The following TNFRSF10B variants were observed in gnomAD, a reference collection of about 807,000 sequenced individuals.
The protein encoded by TNFRSF10B is TNF receptor superfamily member 10b.
A neutral mutation model predicts 41.4 loss-of-function variants in TNFRSF10B; 35 were observed. That is an observed-to-expected ratio of 0.85 (90% CI 0.65 to 1.12). The LOEUF (loss-of-function observed/expected upper bound fraction) is 1.12. TNFRSF10B is among the 50% of genes most tolerant of loss of function. The pLI, the probability that TNFRSF10B is intolerant of heterozygous loss-of-function variation, is 0.00. For synonymous variants in TNFRSF10B, 230 were observed against 215.5 expected, an observed-to-expected ratio of 1.07 and a Z score of -0.59; for missense variants, 584 against 552.7, an observed-to-expected ratio of 1.06 and a Z score of -0.57.
At chr8:23,027,455 G>GC (rs1811737656) in intron 6 of TNFRSF10B, 167 bp from the exon 7 acceptor site, 1 of 887,422 alleles carries the variant, frequency 1.1e-6, no homozygotes, top group Non-Finnish European at 1.8e-6. Context: ...CTGGGGCCAG[G>GC]CCCCCAGTGC....
At chr8:23,043,037 C>A in intron 2 of TNFRSF10B, 101 bp downstream of exon 2, 1 of 1,140,018 alleles carries the variant, frequency 8.8e-7, no homozygotes. Context: ...CCCAATGCCT[C>A]TCTGTGGAAT....
Position 23,052,477 on chromosome 8 carries a change from G to A in TNFRSF10B, c.145-9234C>T, listed in dbSNP as rs531848268. Among the ~76,000 whole-genome samples the A allele has an allele frequency of 5.9e-5, 9 of 151,856 alleles. No individual in the cohort carries two copies. In the South Asian group the frequency reaches 1.0e-3, roughly 18 times the overall value. On this transcript the variant is annotated intron_variant, in intron 1 of 8. Coordinates refer to ENST00000276431, the MANE Select transcript of TNFRSF10B (RefSeq NM_003842.5). ...ATTTTTTGTACTTTTTAGTAGAGAC[G>A]GGGTTTCACCGTGTCAGCCAGGATG...
chr8:23,026,912 G>A (rs755931717), intron 7 of TNFRSF10B, among the ~76,000 whole-genome samples: 2 of 152,100 alleles, frequency 1.3e-5, no homozygotes, highest in African/African-American at 2.4e-5. Context: ...CTCCAGGCTC[G>A]GGGGACACAG....
intron 7 of TNFRSF10B, among the ~76,000 whole-genome samples, chr8:23,026,669 T>C (rs1811713309): frequency 6.6e-6 from 1 of 152,240 alleles, no homozygotes; most frequent in Admixed American, 6.5e-5. Flanking sequence ...ACTGATTGTG[T>C]GCGTGTGTCC....
chr8:23,056,423 G>A (rs925839435), intron 1 of TNFRSF10B, among the ~76,000 whole-genome samples: 18 of 152,032 alleles, frequency 1.2e-4, no homozygotes, highest in African/African-American at 3.4e-4. Flanking sequence ...AGGCCGAGGC[G>A]GGCGATCATT....
chr8:23,021,308 G>C lies in TNFRSF10B; in HGVS notation c.*1363C>G, dbSNP rs1218710984. The C allele has an allele frequency of 6.6e-6, 3 of 454,012 alleles. No homozygotes were observed. The highest frequency in any genetic ancestry group is 1.3e-5 in the Non-Finnish European group (3 of 226,798). 28.1% of individuals were successfully genotyped at this position (454,012 alleles called of 1,614,324 possible). A position where few individuals can be genotyped will look rare whatever the true frequency, so the allele number is the denominator to read the frequency against. The stretch of plus-strand genomic sequence containing the variant: ...AGATGAGTCAGATGCTTACAGAGCG[G>C]CCAAGGTCCTCAAGTAGGCAATCTG... On this transcript the variant is annotated 3_prime_UTR_variant, in exon 9 of 9. Coordinates refer to ENST00000276431, the MANE Select transcript of TNFRSF10B (RefSeq NM_003842.5).
At chr8:23,056,735 T>A (rs13270480) in intron 1 of TNFRSF10B, among the ~76,000 whole-genome samples, 36,747 of 151,942 alleles carry the variant, frequency 0.24, 4,740 homozygotes, top group Non-Finnish European at 0.28. Context: ...AATATTTTTG[T>A]ATTAGCTTTT....
intron 1 of TNFRSF10B, among the ~76,000 whole-genome samples, chr8:23,066,396 C>T (rs904980814): frequency 6.6e-6 from 1 of 152,078 alleles, no homozygotes; most frequent in Admixed American, 6.5e-5. Context: ...ATGAGATTAA[C>T]AGCAGGTTAG....
chr8:23,042,265 T>C (rs116704002), intron 2 of TNFRSF10B, among the ~76,000 whole-genome samples: 2,419 of 152,366 alleles, frequency 0.016, 79 homozygotes, highest in African/African-American at 0.056. Context: ...ATGTGAGGGT[T>C]TGCCCTCAGG....
chr8:23,047,495 A>G (rs1019968958), intron 1 of TNFRSF10B, among the ~76,000 whole-genome samples: 2 of 152,174 alleles, frequency 1.3e-5, no homozygotes, highest in Non-Finnish European at 2.9e-5. Flanking sequence ...AACTCAAATA[A>G]TTCTATTCAA....
chr8:23,035,452 T>C (rs756203678), intron 2 of TNFRSF10B, among the ~76,000 whole-genome samples: 7 of 152,254 alleles, frequency 4.6e-5, no homozygotes, highest in Non-Finnish European at 7.4e-5. Context: ...TGCAGGGATA[T>C]TGATGGCCTT....
chr8:23,056,298 C>T (rs1002411655), intron 1 of TNFRSF10B, among the ~76,000 whole-genome samples: 1 of 152,164 alleles, frequency 6.6e-6, no homozygotes, highest in African/African-American at 2.4e-5. Context: ...ATCTGCCCTA[C>T]TATAATAAGT....
chr8:23,065,879 T>A (rs952320588), intron 1 of TNFRSF10B, among the ~76,000 whole-genome samples: 4 of 152,068 alleles, frequency 2.6e-5, no homozygotes, highest in African/African-American at 4.8e-5. Flanking sequence ...ACAGTGGCCG[T>A]AATAACAGAT....
intron 1 of TNFRSF10B, among the ~76,000 whole-genome samples, chr8:23,057,832 T>C (rs946156982): frequency 6.6e-6 from 1 of 152,258 alleles, no homozygotes; most frequent in African/African-American, 2.4e-5. Context: ...TAATATTCTT[T>C]ACCTTAAAAT....
intron 8 of TNFRSF10B, among the ~76,000 whole-genome samples, chr8:23,023,927 T>A (rs1360336495): frequency 6.6e-6 from 1 of 151,852 alleles, no homozygotes; most frequent in Non-Finnish European, 1.5e-5. Context: ...GGGGGCTACA[T>A]CAGGCCCTGA....
rs1400289161 is a variant in TNFRSF10B, at chr8:23,020,854, C to G, written c.*1817G>C. 2.2e-6 allele frequency: 1 copy of G among 454,082 alleles called. No homozygotes were observed. The highest frequency in any genetic ancestry group is 2.3e-5 in the Admixed American group (1 of 42,562). 28.1% of individuals were successfully genotyped at this position (454,082 alleles called of 1,614,324 possible). A position where few individuals can be genotyped will look rare whatever the true frequency, so the allele number is the denominator to read the frequency against. The stretch of plus-strand genomic sequence containing the variant: ...TCCTGCACAGAAGGCCCAGCAAAGG[C>G]AAAGACCAGGAGGCAGCAGCACCCT... On this transcript the variant is annotated 3_prime_UTR_variant, in exon 9 of 9. Coordinates refer to ENST00000276431, the MANE Select transcript of TNFRSF10B (RefSeq NM_003842.5).
At chr8:23,051,567 TG>T (rs1563320230) in intron 1 of TNFRSF10B, among the ~76,000 whole-genome samples, 3 of 151,074 alleles carry the variant, frequency 2.0e-5, no homozygotes, top group African/African-American at 7.3e-5. Flanking sequence ...TTTTTTAAGA[TG>T]GAGTCTCGCT....
intron 2 of TNFRSF10B, among the ~76,000 whole-genome samples, chr8:23,038,920 G>A (rs1050373623): frequency 1.3e-5 from 2 of 152,008 alleles, no homozygotes; most frequent in African/African-American, 2.4e-5. Flanking sequence ...GATGATTCAA[G>A]CATGTTACAT....
Position 23,020,723 on chromosome 8 carries a change from A to G in TNFRSF10B, c.*1948T>C, listed in dbSNP as rs971256572. The G allele has an allele frequency of 1.1e-5, 5 of 453,896 alleles. No homozygotes were observed. The highest frequency in any genetic ancestry group is 1.0e-4 in the African/African-American group (5 of 49,962). The allele number at this position is 453,896 out of a possible 1,614,324, so 28.1% of individuals were successfully genotyped here. A position where few individuals can be genotyped will look rare whatever the true frequency, so the allele number is the denominator to read the frequency against. On this transcript the variant is annotated 3_prime_UTR_variant, in exon 9 of 9. Coordinates refer to ENST00000276431, the MANE Select transcript of TNFRSF10B (RefSeq NM_003842.5). ...ATTAAAAATAAAAGAAAAATCTTAA[A>G]CACTGATAAGGCTGACACTCTAGAT...
Sources: gnomAD v4.1 joint callset for allele counts (sites outside exome capture counted in the v4.1 genomes callset) on GRCh38, gnomAD v4.1.1 for gene constraint, MANE v1.5 for transcripts, NCBI Gene and HGNC (gene_info 2026-07-23, HGNC 2026-07-21) for gene names.